STK36: variants seen among roughly 807,000 people sequenced by gnomAD.
STK36 encodes serine/threonine-protein kinase 36.
Under a neutral mutation model 142.2 loss-of-function variants are expected in STK36, and 116 were observed. The ratio of observed to expected loss-of-function variants is 0.82; its 90% confidence interval spans 0.70 to 0.95. The LOEUF is 0.95. Ranked by LOEUF, STK36 falls within the 40% of genes least tolerant of loss-of-function variation. STK36 has a pLI of 0.00. For synonymous variants in STK36, 619 were observed against 641.7 expected (o/e 0.96, Z 0.53); for missense variants, 1,422 against 1,617.2 (o/e 0.88, Z 2.07).
Position 218,699,167 on chromosome 2 carries a change from T to G in STK36, c.3623T>G (p.Ile1208Ser), listed in dbSNP as rs764868699. 1.9e-6 allele frequency: 3 copies of G among 1,614,106 alleles called. No homozygotes were observed. Among genetic ancestry groups the G allele is most frequent in the Non-Finnish European group, 2.5e-6 (3 of 1,180,022 alleles). Residue 1208 changes from isoleucine (I) to serine (S), a missense_variant, in exon 26 of 27, where the codon ATC (isoleucine) becomes AGC (serine). Physicochemically the swap from Ile to Ser is moderately radical, Grantham distance 142. Transcript: ENST00000295709. ...TQLLGDPQAG[I>S]RRNVASALGN... ...CTGCTTGGAGATCCTCAGGCTGGTATCCGGCGCAATGTTGCATCAGCTCTG... is the reference window on the plus strand; with the variant it reads ...CTGCTTGGAGATCCTCAGGCTGGTAGCCGGCGCAATGTTGCATCAGCTCTG...
chr2:218,683,673 GCGCAGCA>G (rs1056241055), intron 10 of STK36, among the ~76,000 whole-genome samples: 5 of 152,104 alleles, frequency 3.3e-5, no homozygotes, highest in Non-Finnish European at 5.9e-5. Context: ...CCATGCTGGT[GCGCAGCA>G]CCCACTAACT....
chr2:218,674,108 A>T, intron 4 of STK36, 152 bp downstream of exon 4: 1 of 745,400 alleles, frequency 1.3e-6, no homozygotes, highest in Non-Finnish European at 2.1e-6. Context: ...GTAGTGTGGG[A>T]GTAAATTATG....
At chr2:218,688,427 G>A (rs1940862000) in intron 11 of STK36, 1 of 587,198 alleles carries the variant, frequency 1.7e-6, no homozygotes, top group African/African-American at 1.8e-5. Context: ...AGATGGGAAT[G>A]GCACTTAGTC....
At position 218,685,243 on chromosome 2, in the gene STK36, GAC is replaced by G; in HGVS notation, c.1380+18_1380+19del. ...CTGGAGGGCAGGTAATGGGGAGAAA[GAC>G]ACTGTGGATGGGATCAAGACTGTTT... On this transcript the variant is annotated intron_variant, in intron 11 of 26. Coordinates refer to ENST00000295709, the MANE Select transcript of STK36 (RefSeq NM_015690.5). The G allele has an allele frequency of 6.2e-7, 1 of 1,614,076 alleles. No individual in the cohort carries two copies. The highest frequency in any genetic ancestry group is 8.5e-7 in the Non-Finnish European group (1 of 1,179,988).
chr2:218,675,657 T>C (rs1940207313), intron 5 of STK36, among the ~76,000 whole-genome samples, 184 bp downstream of exon 5: 1 of 151,854 alleles, frequency 6.6e-6, no homozygotes, highest in African/African-American at 2.4e-5. Context: ...CCAGAGTAGC[T>C]GGGATTACAG....
Position 218,694,681 on chromosome 2 carries a change from A to G in STK36, c.2511+46A>G, listed in dbSNP as rs1270609237. ...CACAGACATGTTTTCTCTGAGTCAG[A>G]CACTAGGACTGCATTCAAGGGGAAA... On this transcript the variant is annotated intron_variant, in intron 21 of 26. Coordinates refer to ENST00000295709, the MANE Select transcript of STK36 (RefSeq NM_015690.5). This position sits in a 1 kb window ranked among gnomAD's most constrained non-coding sequence, Gnocchi z 4.4. 16 of 1,506,736 alleles carry G rather than the reference A, an allele frequency of 1.1e-5. No homozygotes were observed. The highest frequency in any genetic ancestry group is 1.4e-5 in the Non-Finnish European group (15 of 1,083,692). 93.3% of individuals were successfully genotyped at this position (1,506,736 alleles called of 1,614,324 possible). A position where few individuals can be genotyped will look rare whatever the true frequency, so the allele number is the denominator to read the frequency against.
chr2:218,696,864 G>T, intron 22 of STK36, 175 bp from the exon 23 acceptor site: 1 of 1,030,660 alleles, frequency 9.7e-7, no homozygotes, highest in Non-Finnish European at 1.5e-6. Context: ...TGAGGTCAGA[G>T]GGTTAAGGTT....
intron 8 of STK36, 69 bp from the exon 9 acceptor site, chr2:218,679,824 G>A: frequency 1.2e-6 from 2 of 1,604,536 alleles, no homozygotes; most frequent in African/African-American, 2.7e-5. Flanking sequence ...GAAGGGCCGT[G>A]AATAGCATTC....
Position 218,701,994 on chromosome 2 carries a change from A to G in STK36, c.3933A>G (p.Pro1311=). Reference sequence around the variant, plus strand: ...GGAAACTCATTCACCTCCTGAGGCCAGCCCATAGCATGTGATTCCAGATTC... The same window carrying G: ...GGAAACTCATTCACCTCCTGAGGCCGGCCCATAGCATGTGATTCCAGATTC... The part of the protein sequence containing the change: ...HCRKLIHLLR[P]AHSM The change falls in exon 27 of 27, where the codon CCA becomes CCG. Residue 1311 remains proline (P), a synonymous_variant. Coordinates refer to ENST00000295709, the MANE Select transcript of STK36 (RefSeq NM_015690.5). The G allele has an allele frequency of 5.0e-6, 8 of 1,613,960 alleles. No individual in the cohort carries two copies. Among genetic ancestry groups the G allele is most frequent in the Non-Finnish European group, 6.8e-6 (8 of 1,179,894 alleles).
chr2:218,692,519 C>G, intron 15 of STK36, 64 bp from the exon 16 acceptor site: 1 of 1,559,676 alleles, frequency 6.4e-7, no homozygotes, highest in South Asian at 1.2e-5. Flanking sequence ...TCGGTGAGTA[C>G]TGGTGCTATT....
rs577604968 is a variant in STK36, at chr2:218,695,778, TC to T, written c.2512-747del. Among the ~76,000 whole-genome samples the T allele has an allele frequency of 4.3e-4, 65 of 149,820 alleles. No individual in the cohort carries two copies. The South Asian group carries it at 0.013, about 29-fold the overall frequency. On this transcript the variant is annotated intron_variant, in intron 21 of 26. Transcript: ENST00000295709. The stretch of plus-strand genomic sequence containing the variant: ...GTCTCGAACTCCTGACCTCAAGTGA[TC>T]CATCCGCCTCAGCCTCCTAAAGTGC...
chr2:218,696,867 T>G, intron 22 of STK36, 172 bp from the exon 23 acceptor site: 1 of 1,062,930 alleles, frequency 9.4e-7, no homozygotes, highest in Non-Finnish European at 1.4e-6. Context: ...GGTCAGAGGG[T>G]TAAGGTTTGA....
At chr2:218,699,392 A>T (rs751294322) in intron 26 of STK36, 44 bp downstream of exon 26, 20 of 1,575,258 alleles carry the variant, frequency 1.3e-5, no homozygotes, top group Non-Finnish European at 1.7e-5. Context: ...CAGGGCCCCT[A>T]TAGTTGACAA....
rs770264750 is a variant in STK36 at position 218,679,165 on chromosome 2, T to A, written c.685-3T>A. 12 of 1,613,912 alleles carry A rather than the reference T, an allele frequency of 7.4e-6. No homozygotes were observed. The highest frequency in any genetic ancestry group is 1.0e-5 in the Non-Finnish European group (12 of 1,179,922). ...ACTGATGGAATATTTTTTCTCTCTG[T>A]AGAACTTCCTGCAGGGACTGCTCAC... On this transcript the variant is annotated splice_region_variant and splice_polypyrimidine_tract_variant and intron_variant, in intron 6 of 26. Coordinates refer to ENST00000295709, the MANE Select transcript of STK36 (RefSeq NM_015690.5).
rs1344590359 is a variant in STK36 at position 218,694,976 on chromosome 2, C to G, written c.2511+341C>G. Among the ~76,000 whole-genome samples, 3 of 152,164 alleles carry G rather than the reference C, an allele frequency of 2.0e-5. No homozygotes were observed. Among genetic ancestry groups the G allele is most frequent in the Non-Finnish European group, 4.4e-5 (3 of 68,036 alleles). Reference sequence around the variant, plus strand: ...AGCTCATGCTCTTGGCAGAGTCCTTCCTAATGCATAATTTCACCTCTGACT... The same window carrying G: ...AGCTCATGCTCTTGGCAGAGTCCTTGCTAATGCATAATTTCACCTCTGACT... On this transcript the variant is annotated intron_variant, in intron 21 of 26. Coordinates refer to ENST00000295709, the MANE Select transcript of STK36 (RefSeq NM_015690.5). This position sits in a 1 kb window ranked among gnomAD's most constrained non-coding sequence, Gnocchi z 4.4.
At chr2:218,679,072 G>A in intron 6 of STK36, 96 bp from the exon 7 acceptor site, 1 of 1,165,734 alleles carries the variant, frequency 8.6e-7, no homozygotes, top group Middle Eastern at 1.9e-4. Flanking sequence ...CTGCTGTGAG[G>A]ATGGATGTGG....
chr2:218,693,945 C>G lies in STK36; in HGVS notation c.2298C>G (p.Leu766=), dbSNP rs1941116628. 10 of 1,614,142 alleles carry G rather than the reference C, an allele frequency of 6.2e-6. No homozygotes were observed. The highest frequency in any genetic ancestry group is 1.7e-5 in the Admixed American group (1 of 60,016). The change falls in exon 19 of 27, where the codon CTC becomes CTG. Residue 766 remains leucine (L), a synonymous_variant. Transcript: ENST00000295709. ...EESTEVTLYF[L]SLLVFRLQNL... ...CTACTGAAGTGACACTCTACTTCCT[C>G]TCCCTTCTTGTCTTTCGGCTCCAAA...
At position 218,692,590 on chromosome 2, in the gene STK36, G is replaced by C. The variant is rs140295724; in HGVS notation, c.1923G>C (p.Pro641=). Reference sequence around the variant, plus strand: ...CTTTGCTTTTCTCCACAGGAGCCCCGCAAGTGAGCCAGCCACTGCGAGAGC... The same window carrying C: ...CTTTGCTTTTCTCCACAGGAGCCCCCCAAGTGAGCCAGCCACTGCGAGAGC... ...QLPVHTPQGA[P]QVSQPLREQS... The change falls in exon 16 of 27, where the codon CCG becomes CCC. Residue 641 remains proline, a synonymous_variant. Coordinates refer to ENST00000295709, the MANE Select transcript of STK36 (RefSeq NM_015690.5). The C allele has an allele frequency of 6.2e-7, 1 of 1,611,938 alleles. No individual in the cohort carries two copies. The highest frequency in any genetic ancestry group is 8.5e-7 in the Non-Finnish European group (1 of 1,179,586).
intron 10 of STK36, among the ~76,000 whole-genome samples, chr2:218,681,102 A>C (rs1940498238): frequency 2.7e-5 from 4 of 149,524 alleles, no homozygotes. Context: ...ATCTTTCTAC[A>C]CCAGAGCATG....
Sources: gnomAD v4.1 joint callset for allele counts (sites outside exome capture counted in the v4.1 genomes callset) on GRCh38, gnomAD v4.1.1 for gene constraint, Gnocchi (gnomAD v3.1) non-coding constraint, MANE v1.5 for transcripts, NCBI Gene and HGNC (gene_info 2026-07-23, HGNC 2026-07-21) for gene names.